MGA: variants seen among roughly 807,000 people sequenced by gnomAD.
MGA encodes MAX dimerization protein MGA.
In MGA, 40 loss-of-function variants were observed where a neutral mutation model predicts 261.1. The observed-to-expected ratio is 0.15, with a 90% CI of 0.12 to 0.20. The LOEUF is 0.20. Ranked by LOEUF, MGA falls within the 10% of genes least tolerant of loss-of-function variation. The pLI is 1.00. For missense variants in MGA, 3,397 were observed against 3,630.5 expected (o/e 0.94, Z 1.65); for synonymous variants, 1,302 against 1,290.6 (o/e 1.01, Z -0.19).
intron 6 of MGA, 24 bp downstream of exon 6, chr15:41,707,883 T>G: frequency 1.3e-6 from 2 of 1,591,380 alleles, no homozygotes; most frequent in Non-Finnish European, 1.7e-6. Context: ...ATTTGTAAAG[T>G]CAAACACTAT....
At chr15:41,674,876 T>C (rs2058293199) in intron 2 of MGA, among the ~76,000 whole-genome samples, 1 of 152,248 alleles carries the variant, frequency 6.6e-6, no homozygotes, top group Admixed American at 6.5e-5. Flanking sequence ...TCTTCTTAGT[T>C]CCAGACCTCT....
intron 1 of MGA, among the ~76,000 whole-genome samples, chr15:41,634,006 T>C (rs1410548768): frequency 1.3e-5 from 2 of 152,108 alleles, no homozygotes; most frequent in African/African-American, 4.8e-5. Context: ...ACCCTTTCAT[T>C]TCTGGTTTCC....
At position 41,719,198 on chromosome 15, in the gene MGA, A is replaced by G. The variant is rs561225003; in HGVS notation, c.3430+5702A>G. 2.0e-5 allele frequency among the ~76,000 whole-genome samples: 3 copies of G among 152,220 alleles called. No homozygotes were observed. The South Asian group carries it at 6.3e-4, about 32-fold the overall frequency. ...GGATAACTTTGATAAAAGATGCCTAAAACCTATATACTAAAAACTATAAGA... is the reference window on the plus strand; with the variant it reads ...GGATAACTTTGATAAAAGATGCCTAGAACCTATATACTAAAAACTATAAGA... On this transcript the variant is annotated intron_variant, in intron 9 of 23. Transcript: ENST00000219905.
intron 20 of MGA, 111 bp from the exon 21 acceptor site, chr15:41,761,628 C>A: frequency 1.7e-6 from 1 of 593,476 alleles, no homozygotes; most frequent in South Asian, 2.8e-5. Context: ...TTTAAAAATT[C>A]TCTTAAGATG....
intron 13 of MGA, among the ~76,000 whole-genome samples, chr15:41,737,664 T>C (rs1414457295): frequency 3.9e-5 from 6 of 152,164 alleles, no homozygotes; most frequent in African/African-American, 1.2e-4. Flanking sequence ...AAAGAGACGT[T>C]CTGAATTAAT....
In MGA at chr15:41,696,686, G is replaced by A. The variant is rs755642387; in HGVS notation, c.1676G>A (p.Ser559Asn). ...TGGAAATATCCTGATATATCTGACAGCATTAGCACAGAAAGAATACTCGAC... is the reference window on the plus strand; with the variant it reads ...TGGAAATATCCTGATATATCTGACAACATTAGCACAGAAAGAATACTCGAC... Residue 559 changes from serine to asparagine, a missense_variant, in exon 3 of 24, where the codon AGC becomes AAC. Coordinates refer to ENST00000219905, the MANE Select transcript of MGA (RefSeq NM_001164273.2). The A allele has an allele frequency of 1.9e-6, 3 of 1,612,672 alleles. No individual in the cohort carries two copies. The highest frequency in any genetic ancestry group is 2.5e-6 in the Non-Finnish European group (3 of 1,179,278).
At position 41,707,716 on chromosome 15, in the gene MGA, T is replaced by G; in HGVS notation, c.2189-12T>G. The G allele has an allele frequency of 6.3e-7, 1 of 1,592,290 alleles. No homozygotes were observed. Among genetic ancestry groups the G allele is most frequent in the Non-Finnish European group, 8.5e-7 (1 of 1,171,514 alleles). On this transcript the variant is annotated splice_polypyrimidine_tract_variant and intron_variant, in intron 5 of 23. Transcript: ENST00000219905. ...TTAATCTATGGAAATATGATTTCCTTTTTTCTTTTAGTGGGCTTAAAATTG... is the reference window on the plus strand; with the variant it reads ...TTAATCTATGGAAATATGATTTCCTGTTTTCTTTTAGTGGGCTTAAAATTG...
upstream of MGA, among the ~76,000 whole-genome samples, chr15:41,658,017 A>C (rs1353842196): frequency 6.6e-6 from 1 of 152,218 alleles, no homozygotes; most frequent in Non-Finnish European, 1.5e-5. Context: ...TATAGTAGGC[A>C]CTCAGATATT....
Position 41,734,572 on chromosome 15 carries a change from G to A in MGA, c.3894G>A (p.Glu1298=). The A allele has an allele frequency of 6.2e-7, 1 of 1,603,350 alleles. No individual in the cohort carries two copies. Among genetic ancestry groups the A allele is most frequent in the Admixed American group, 1.7e-5 (1 of 58,420 alleles). ...TAAAACAACTCACCTGTGACTTGGA[G>A]GATGATTCTGATAAATTACAAGGTC... is the stretch of plus-strand genomic sequence containing the variant. The change falls in exon 12 of 24, where the codon GAG becomes GAA. Residue 1298 remains glutamate (E), a synonymous_variant. Transcript: ENST00000219905.
chr15:41,701,175 T>C (rs2059832712), intron 5 of MGA, among the ~76,000 whole-genome samples: 2 of 151,988 alleles, frequency 1.3e-5, no homozygotes, highest in Non-Finnish European at 2.9e-5. Flanking sequence ...CTCCCTATCT[T>C]TTTTTCTCCC....
At chr15:41,735,731 T>C (rs1406297603) in intron 12 of MGA, among the ~76,000 whole-genome samples, 1 of 146,482 alleles carries the variant, frequency 6.8e-6, no homozygotes, top group Non-Finnish European at 1.5e-5. Context: ...AGACTCCGTC[T>C]CAAAAAAAAA....
intron 1 of MGA, among the ~76,000 whole-genome samples, chr15:41,663,704 C>A (rs991475627): frequency 6.6e-6 from 1 of 152,070 alleles, no homozygotes; most frequent in Non-Finnish European, 1.5e-5. Flanking sequence ...CTCCTGACAT[C>A]AGGTGATTCG....
At chr15:41,701,503 A>G (rs1269774143) in intron 5 of MGA, among the ~76,000 whole-genome samples, 1 of 152,208 alleles carries the variant, frequency 6.6e-6, no homozygotes, top group African/African-American at 2.4e-5. Flanking sequence ...TTCAAAGGCC[A>G]GTGTTTATGG....
At chr15:41,682,293 A>G (rs534696096) in intron 2 of MGA, among the ~76,000 whole-genome samples, 113 of 152,158 alleles carry the variant, frequency 7.4e-4, no homozygotes, top group African/African-American at 2.6e-3. Context: ...GTGCATACAC[A>G]TATTCATCTA....
intron 9 of MGA, 78 bp downstream of exon 9, chr15:41,713,574 A>G (rs1918313): frequency 0.17 from 238,279 of 1,403,680 alleles, 26,493 homozygotes; most frequent in East Asian, 0.7. Context: ...AATACAACCT[A>G]CCTTAATCCC....
At chr15:41,709,263 C>T (rs987801676) in intron 7 of MGA, among the ~76,000 whole-genome samples, 4 of 152,012 alleles carry the variant, frequency 2.6e-5, no homozygotes, top group Admixed American at 2.0e-4. Flanking sequence ...GGGAGGATCA[C>T]TTGAGCCCAG....
At chr15:41,667,679 C>T (rs1409816693) in intron 1 of MGA, among the ~76,000 whole-genome samples, 1 of 151,930 alleles carries the variant, frequency 6.6e-6, no homozygotes, top group African/African-American at 2.4e-5. Context: ...CATGTCCAGC[C>T]CCCTTTTTAT....
intron 18 of MGA, among the ~76,000 whole-genome samples, chr15:41,755,251 A>G (rs1286815686): frequency 1.3e-5 from 2 of 152,334 alleles, no homozygotes; most frequent in African/African-American, 2.4e-5. Context: ...CTCATTAACT[A>G]CGATGATATG....
At chr15:41,704,764 A>G (rs2060023724) in intron 5 of MGA, among the ~76,000 whole-genome samples, 1 of 152,240 alleles carries the variant, frequency 6.6e-6, no homozygotes, top group Admixed American at 6.5e-5. Context: ...ATAGAACTAT[A>G]AACATCTTGA....
Sources: gnomAD v4.1 joint callset for allele counts (sites outside exome capture counted in the v4.1 genomes callset) on GRCh38, gnomAD v4.1.1 for gene constraint, MANE v1.5 for transcripts, NCBI Gene and HGNC (gene_info 2026-07-23, HGNC 2026-07-21) for gene names.